PDE8B: variants seen among roughly 807,000 people sequenced by gnomAD.
PDE8B encodes phosphodiesterase 8B.
In PDE8B, 26 loss-of-function variants were observed where a neutral mutation model predicts 101.3. The ratio of observed to expected loss-of-function variants is 0.26; its 90% confidence interval spans 0.19 to 0.36. PDE8B has a LOEUF of 0.36. Among genes scored for constraint, PDE8B ranks in the 10% least tolerant of loss-of-function variants. The pLI is 1.00. For synonymous variants in PDE8B, 424 were observed against 429.3 expected, an observed-to-expected ratio of 0.99 and a Z score of 0.15; for missense variants, 810 against 1,163.1, an observed-to-expected ratio of 0.70 and a Z score of 4.42.
intron 1 of PDE8B, among the ~76,000 whole-genome samples, chr5:77,267,468 TTGC>T (rs1416046052): frequency 1.5e-5 from 2 of 130,742 alleles, no homozygotes; most frequent in African/African-American, 7.8e-5. Flanking sequence ...GTGGAAAACA[TTGC>T]ATTGCACAAT....
intron 1 of PDE8B, among the ~76,000 whole-genome samples, chr5:77,283,595 C>T (rs755320827): frequency 1.1e-3 from 169 of 152,294 alleles, no homozygotes; most frequent in Admixed American, 2.2e-3. Flanking sequence ...ATGGCCTTTT[C>T]GGATTGACTT....
chr5:77,098,314 T>C, the PDE8B span, among the ~76,000 whole-genome samples: 1 of 151,358 alleles, frequency 6.6e-6, no homozygotes, highest in Non-Finnish European at 1.5e-5. Context: ...AAGAAAGTCT[T>C]GTTCTGTCAC....
rs183645992 is a variant in PDE8B, at chr5:77,243,040, C to T, written c.339+31776C>T. Reference sequence around the variant, plus strand: ...AAAAGTATAATACCAATCAATTATACTTTTTAATATCAACTATACCATGTT... The same window carrying T: ...AAAAGTATAATACCAATCAATTATATTTTTTAATATCAACTATACCATGTT... On this transcript the variant is annotated intron_variant, in intron 1 of 21. Coordinates refer to ENST00000264917, the MANE Select transcript of PDE8B (RefSeq NM_003719.5). 2.6e-3 allele frequency among the ~76,000 whole-genome samples: 400 copies of T among 152,260 alleles called. 2 individuals carry two copies. Among genetic ancestry groups the T allele is most frequent in the African/African-American group, 7.4e-3 (308 of 41,564 alleles).
At chr5:77,206,999 C>T (rs1390301665), upstream of PDE8B, among the ~76,000 whole-genome samples, 1 of 152,210 alleles carries the variant, frequency 6.6e-6, no homozygotes, top group East Asian at 1.9e-4. Context: ...CAAGGTTACA[C>T]AGCCACAAGA....
At chr5:77,121,643 G>T in the PDE8B span, among the ~76,000 whole-genome samples, 1 of 152,062 alleles carries the variant, frequency 6.6e-6, no homozygotes, top group Non-Finnish European at 1.5e-5. Flanking sequence ...GAGTAGCTGG[G>T]ACTACAGGCG....
chr5:77,115,965 G>A, the PDE8B span, among the ~76,000 whole-genome samples: 1 of 152,056 alleles, frequency 6.6e-6, no homozygotes, highest in Non-Finnish European at 1.5e-5. Flanking sequence ...AGAGTGACAT[G>A]CTTTTATTTT....
chr5:77,256,762 T>TAC (rs1331159149), intron 1 of PDE8B, among the ~76,000 whole-genome samples: 1 of 152,178 alleles, frequency 6.6e-6, no homozygotes, highest in Non-Finnish European at 1.5e-5. Flanking sequence ...ATACTAAACT[T>TAC]GTAAGGCATG....
At chr5:77,200,889 C>T in the PDE8B span, among the ~76,000 whole-genome samples, 1 of 152,156 alleles carries the variant, frequency 6.6e-6, no homozygotes. Context: ...TGACTGTTGC[C>T]TTGGAGATGT....
At position 77,425,768 on chromosome 5, in the gene PDE8B, C is replaced by T; in HGVS notation, c.2420C>T (p.Thr807Ile). 6.2e-7 allele frequency: 1 copy of T among 1,613,800 alleles called. No individual in the cohort carries two copies. The highest frequency in any genetic ancestry group is 8.5e-7 in the Non-Finnish European group (1 of 1,179,730). The change falls in exon 21 of 22, where the codon ACT (threonine) becomes ATT (isoleucine). Residue 807 changes from threonine (T) to isoleucine (I), a missense_variant and splice_region_variant. Around this residue, in one of 4 missense-constraint regions of PDE8B, gnomAD observed 325 missense variants for 560.9 expected, o/e 0.58. Coordinates refer to ENST00000264917, the MANE Select transcript of PDE8B (RefSeq NM_003719.5). The stretch of plus-strand genomic sequence containing the variant: ...CTATGTGGTGGTTTTTTCTTACAGA[C>T]TGATGAAGAGAAGAGACAGGGACTA... ...GRISEEYFAQ[T>I]DEEKRQGLPV...
At chr5:77,412,808 A>T (rs1794823412) in intron 16 of PDE8B, among the ~76,000 whole-genome samples, 1 of 152,058 alleles carries the variant, frequency 6.6e-6, no homozygotes, top group Non-Finnish European at 1.5e-5. Context: ...GTTAATGTGG[A>T]AGTGGGGATG....
chr5:77,246,323 A>C (rs1051440760), intron 1 of PDE8B, among the ~76,000 whole-genome samples: 1 of 152,218 alleles, frequency 6.6e-6, no homozygotes, highest in Non-Finnish European at 1.5e-5. Flanking sequence ...GGCAGGTCCC[A>C]GGACAGTTAG....
intron 6 of PDE8B, among the ~76,000 whole-genome samples, chr5:77,343,132 A>G (rs571236001): frequency 2.0e-5 from 3 of 152,322 alleles, no homozygotes; most frequent in African/African-American, 7.2e-5. Flanking sequence ...TATCATACAC[A>G]CAGATATATA....
the PDE8B span, among the ~76,000 whole-genome samples, chr5:77,103,928 GTTTTCAT>G: frequency 6.6e-6 from 1 of 152,186 alleles, no homozygotes; most frequent in Non-Finnish European, 1.5e-5. Context: ...CCACACTAGT[GTTTTCAT>G]TGAGAGAGTC....
intron 6 of PDE8B, among the ~76,000 whole-genome samples, chr5:77,339,582 TA>T (rs1391166749): frequency 5.3e-5 from 8 of 152,178 alleles, no homozygotes; most frequent in African/African-American, 1.9e-4. Flanking sequence ...CTAGCACATA[TA>T]CCTGCACCCC....
chr5:77,350,643 G>A (rs1028614724), intron 8 of PDE8B, among the ~76,000 whole-genome samples: 8 of 151,958 alleles, frequency 5.3e-5, no homozygotes, highest in Non-Finnish European at 7.4e-5. Context: ...GAATTTATAC[G>A]CAGATTTTCT....
intron 1 of PDE8B, among the ~76,000 whole-genome samples, chr5:77,307,490 A>G (rs546710090): frequency 6.6e-6 from 1 of 152,336 alleles, no homozygotes; most frequent in African/African-American, 2.4e-5. Context: ...ACCTTCTCTG[A>G]ATGAAATGAT....
At chr5:77,116,208 A>G in the PDE8B span, among the ~76,000 whole-genome samples, 1 of 74,740 alleles carries the variant, frequency 1.3e-5, no homozygotes, top group African/African-American at 6.9e-5. Flanking sequence ...GTTCTTCTAT[A>G]TATATATATA....
chr5:77,096,221 T>A, the PDE8B span, among the ~76,000 whole-genome samples: 73 of 152,290 alleles, frequency 4.8e-4, no homozygotes, highest in Middle Eastern at 6.8e-3. Context: ...ACTTCTGACC[T>A]CAAGTGATCT....
chr5:77,309,630 C>CTT (rs993509739), intron 1 of PDE8B, among the ~76,000 whole-genome samples: 1 of 147,354 alleles, frequency 6.8e-6, no homozygotes, highest in Admixed American at 6.8e-5. Context: ...ATTGGTTTCA[C>CTT]TTTTTTTTTT....
Sources: allele counts gnomAD v4.1 joint callset (sites outside exome capture counted in the v4.1 genomes callset), GRCh38; gene constraint gnomAD v4.1.1; regional missense constraint gnomAD v4.1.1; transcripts MANE v1.5; gene names NCBI Gene and HGNC (gene_info 2026-07-23, HGNC 2026-07-21).